The following TMEM255A variants were observed in gnomAD, a reference collection of about 807,000 sequenced individuals.
The protein encoded by TMEM255A is transmembrane protein 255A.
TMEM255A carries 14 observed loss-of-function variants against 23.5 expected under a neutral mutation model. The ratio of observed to expected loss-of-function variants is 0.60; its 90% CI spans 0.39 to 0.93. The LOEUF (loss-of-function observed/expected upper bound fraction) is 0.93, where lower values mean the gene tolerates loss of function less well. Ranked by LOEUF, TMEM255A falls within the 40% of genes least tolerant of loss-of-function variation. The probability of loss-of-function intolerance (pLI) is 0.00; values close to 1 mark genes in which losing one functional copy is unlikely to be tolerated. For missense variants in TMEM255A, 233 were observed against 261.7 expected (o/e 0.89, Z 0.76); for synonymous variants, 104 against 100.3 (o/e 1.04, Z -0.22).
chrX:120,253,490 A>T, the TMEM255A span: 1 of 1,211,892 alleles, frequency 8.3e-7, no homozygotes, highest in Non-Finnish European at 1.1e-6. Context: ...TGAATGAGCA[A>T]CGTGGCCATG....
At chrX:120,276,185 A>G (rs1397758949) in intron 7 of TMEM255A, among the ~76,000 whole-genome samples, 2 of 111,627 alleles carry the variant, frequency 1.8e-5, no homozygotes, top group Non-Finnish European at 3.8e-5. Context: ...ATAAACAAAT[A>G]AATGCTTAGA....
chrX:120,255,337 A>C, downstream of TMEM255A: 4 of 1,211,468 alleles, frequency 3.3e-6, no homozygotes, highest in Non-Finnish European at 4.5e-6. Flanking sequence ...ATGACCTGGG[A>C]AGATATTTTT....
chrX:120,253,871 A>T (rs1556014779), downstream of TMEM255A: 1 of 1,209,598 alleles, frequency 8.3e-7, no homozygotes. Context: ...TACAGAAATC[A>T]AAAGATGAAG....
intron 2 of TMEM255A, 149 bp downstream of exon 2, chrX:120,304,200 G>A: frequency 1.7e-6 from 1 of 583,863 alleles, no homozygotes; most frequent in Non-Finnish European, 2.7e-6. Flanking sequence ...CGGGCCCAGA[G>A]TTGCCTCTCC....
At chrX:120,254,573 C>T (rs1448406823), downstream of TMEM255A, 1 of 1,209,642 alleles carries the variant, frequency 8.3e-7, no homozygotes, top group Non-Finnish European at 1.1e-6. Context: ...AACCACTTTC[C>T]AATTCCTTAA....
chrX:120,274,841 A>G (rs971871844), intron 7 of TMEM255A, among the ~76,000 whole-genome samples: 2 of 111,917 alleles, frequency 1.8e-5, no homozygotes, highest in African/African-American at 6.5e-5. Context: ...GGGAAGCCTT[A>G]CAGGCACCCC....
chrX:120,254,439 A>G (rs369847700), downstream of TMEM255A: 6 of 1,209,561 alleles, frequency 5.0e-6, no homozygotes, highest in Non-Finnish European at 6.7e-6. Context: ...TGATGACACT[A>G]TTAGCTCCAG....
At chrX:120,289,553 C>A (rs1172485592) in intron 4 of TMEM255A, among the ~76,000 whole-genome samples, 3 of 111,649 alleles carry the variant, frequency 2.7e-5, no homozygotes, top group Non-Finnish European at 5.7e-5. Context: ...AAAATCAAAC[C>A]CATCAAACAC....
At chrX:120,272,936 T>C in intron 7 of TMEM255A, among the ~76,000 whole-genome samples, 1 of 110,681 alleles carries the variant, frequency 9.0e-6, no homozygotes, top group South Asian at 3.9e-4. Context: ...GAGACAGCGT[T>C]TCACCATGTT....
chrX:120,304,566 G>C, intron 1 of TMEM255A, 75 bp from the exon 2 acceptor site: 1 of 1,099,322 alleles, frequency 9.1e-7, no homozygotes, highest in South Asian at 1.9e-5. Context: ...AAAACACTAA[G>C]AAGGTTTTCC....
Position 120,304,447 on chromosome X carries a change from T to C in TMEM255A, c.103A>G (p.Thr35Ala). 8.3e-7 allele frequency: 1 copy of C among 1,210,554 alleles called. No individual in the cohort carries two copies. Among genetic ancestry groups the C allele is most frequent in the Non-Finnish European group, 1.1e-6 (1 of 894,717 alleles). Residue 35 changes from threonine to alanine, a missense_variant, in exon 2 of 9, where the codon ACT becomes GCT. Coordinates refer to ENST00000371369, the MANE Select transcript of TMEM255A (RefSeq NM_001104544.3). ...ATTAACACGGACACAATAAGCAAAG[T>C]CACGGTGACATAGATGGAGTTTCGT... Reference protein sequence around the residue: ...RKRNSIYVTVTLLIVSVLILT... With the variant: ...RKRNSIYVTVALLIVSVLILT...
At chrX:120,288,913 T>C (rs943010329) in intron 4 of TMEM255A, among the ~76,000 whole-genome samples, 7 of 111,894 alleles carry the variant, frequency 6.3e-5, no homozygotes, top group African/African-American at 2.3e-4. Context: ...TTAATGGCTA[T>C]ACTAGGGAGA....
intron 5 of TMEM255A, among the ~76,000 whole-genome samples, 194 bp from the exon 6 acceptor site, chrX:120,285,409 G>T (rs1373293449): frequency 1.8e-5 from 2 of 111,477 alleles, no homozygotes; most frequent in African/African-American, 3.3e-5. Context: ...TGTGTAGCTG[G>T]GCTCATGTCC....
chrX:120,292,737 G>C (rs1556023251), intron 3 of TMEM255A, among the ~76,000 whole-genome samples: 1 of 107,452 alleles, frequency 9.3e-6, no homozygotes, highest in Admixed American at 9.8e-5. Context: ...TCCAGCCTGG[G>C]CGACAGAGCA....
intron 4 of TMEM255A, among the ~76,000 whole-genome samples, chrX:120,289,418 A>G (rs1481199124): frequency 2.7e-5 from 3 of 111,722 alleles, no homozygotes; most frequent in Non-Finnish European, 5.6e-5. Flanking sequence ...ACTGGAGCCA[A>G]TGATCAAAAA....
chrX:120,297,012 TA>T (rs1312720281), intron 2 of TMEM255A, among the ~76,000 whole-genome samples: 1 of 3,642 alleles, frequency 2.7e-4, no homozygotes, highest in Non-Finnish European at 3.7e-4. Flanking sequence ...TATATAATAT[TA>T]TATATATTAT....
intron 6 of TMEM255A, among the ~76,000 whole-genome samples, chrX:120,283,577 C>T (rs7063052): frequency 1.2e-4 from 13 of 110,888 alleles, no homozygotes; most frequent in East Asian, 2.8e-4. Flanking sequence ...GCCCTCAGTT[C>T]GCCTTCACTA....
At chrX:120,252,761 A>G in the TMEM255A span, 1 of 112,043 alleles carries the variant, frequency 8.9e-6, no homozygotes, top group Non-Finnish European at 1.9e-5. Context: ...GGATGAAGAA[A>G]GAGGAAAGGG....
chrX:120,278,247 C>G (rs1407235423), intron 6 of TMEM255A, among the ~76,000 whole-genome samples: 1 of 109,530 alleles, frequency 9.1e-6, no homozygotes, highest in Non-Finnish European at 1.9e-5. Flanking sequence ...CACCAGAGCT[C>G]GACCATGTTG....
Sources: gnomAD v4.1 joint callset for allele counts (sites outside exome capture counted in the v4.1 genomes callset) on GRCh38, gnomAD v4.1.1 for gene constraint, MANE v1.5 for transcripts, NCBI Gene and HGNC (gene_info 2026-07-23, HGNC 2026-07-21) for gene names.